GPR39: variants seen among roughly 807,000 people sequenced by gnomAD.
GPR39 encodes zinc sensing receptor.
A neutral mutation model predicts 18.4 loss-of-function variants in GPR39; 23 were observed. The ratio of observed to expected loss-of-function variants is 1.25; its 90% CI spans 0.90 to 1.77. GPR39 has a LOEUF of 1.77. GPR39 is among the 40% of genes most tolerant of loss of function. The probability of loss-of-function intolerance (pLI) is 0.00; values close to 1 mark genes in which losing one functional copy is unlikely to be tolerated. For missense variants in GPR39, 647 were observed against 602.4 expected, an observed-to-expected ratio of 1.07 and a Z score of -0.78; for synonymous variants, 280 against 257.9, an observed-to-expected ratio of 1.09 and a Z score of -0.82.
At chr2:132,593,813 T>C (rs10928433) in intron 1 of GPR39, among the ~76,000 whole-genome samples, 86,628 of 151,596 alleles carry the variant, frequency 0.57, 25,296 homozygotes, top group East Asian at 0.88. Context: ...TAGAGAGATA[T>C]TTGAGGCTGC....
intron 1 of GPR39, among the ~76,000 whole-genome samples, chr2:132,578,427 A>G (rs943087481): frequency 1.3e-5 from 2 of 152,144 alleles, no homozygotes; most frequent in Admixed American, 6.5e-5. Context: ...TCTGGAATAG[A>G]TTGTATAGAA....
At chr2:132,482,420 C>T (rs976134572) in intron 1 of GPR39, among the ~76,000 whole-genome samples, 3 of 152,094 alleles carry the variant, frequency 2.0e-5, no homozygotes, top group Non-Finnish European at 2.9e-5. Flanking sequence ...TTGTAGAAGT[C>T]ATGGAGTTTT....
intron 1 of GPR39, among the ~76,000 whole-genome samples, chr2:132,458,584 TG>T (rs1191877320): frequency 6.6e-6 from 1 of 152,090 alleles, no homozygotes; most frequent in African/African-American, 2.4e-5. Flanking sequence ...CTCTGCTGAA[TG>T]TTTTTTTGTT....
At chr2:132,636,800 G>A (rs1021596927) in intron 1 of GPR39, among the ~76,000 whole-genome samples, 16 of 152,222 alleles carry the variant, frequency 1.1e-4, no homozygotes, top group African/African-American at 3.9e-4. Context: ...CATGGCTAGA[G>A]CCCGTGTGGT....
intron 1 of GPR39, among the ~76,000 whole-genome samples, chr2:132,440,942 C>T (rs1029884117): frequency 6.6e-6 from 1 of 152,090 alleles, no homozygotes; most frequent in African/African-American, 2.4e-5. Context: ...AGCCTACTTG[C>T]CTTTGTCTGC....
At chr2:132,639,940 G>A (rs1169044660) in intron 1 of GPR39, among the ~76,000 whole-genome samples, 2 of 136,126 alleles carry the variant, frequency 1.5e-5, no homozygotes, top group South Asian at 2.3e-4. Context: ...AAAAAATAAT[G>A]GGCTTGCTTG....
intron 1 of GPR39, among the ~76,000 whole-genome samples, chr2:132,504,844 A>G (rs1282050719): frequency 2.0e-5 from 3 of 152,228 alleles, no homozygotes; most frequent in Non-Finnish European, 4.4e-5. Context: ...TTGGTATAAA[A>G]GAACAACAAT....
intron 1 of GPR39, among the ~76,000 whole-genome samples, chr2:132,631,108 G>A (rs183813512): frequency 1.1e-4 from 17 of 152,252 alleles, no homozygotes; most frequent in Non-Finnish European, 2.9e-5. Flanking sequence ...AAAAAGAAGG[G>A]AGGTAGAGAG....
chr2:132,437,124 T>C (rs916729628), intron 1 of GPR39, among the ~76,000 whole-genome samples: 2 of 152,188 alleles, frequency 1.3e-5, no homozygotes, highest in Non-Finnish European at 2.9e-5. Flanking sequence ...ACCACTGTGT[T>C]AGAGTTGCTT....
intron 1 of GPR39, among the ~76,000 whole-genome samples, chr2:132,435,723 A>G (rs1311477843): frequency 6.6e-6 from 1 of 151,320 alleles, no homozygotes; most frequent in East Asian, 1.9e-4. Flanking sequence ...CAGACTTGTA[A>G]CATTTTGAGC....
chr2:132,489,749 T>TA (rs950868957), intron 1 of GPR39, among the ~76,000 whole-genome samples: 4 of 151,970 alleles, frequency 2.6e-5, no homozygotes, highest in Non-Finnish European at 5.9e-5. Context: ...TGCAGTGCCC[T>TA]AAAAAATGCC....
intron 1 of GPR39, among the ~76,000 whole-genome samples, chr2:132,553,641 G>A (rs1056622991): frequency 1.3e-5 from 2 of 152,064 alleles, no homozygotes; most frequent in African/African-American, 4.8e-5. Flanking sequence ...GAGCTCACGG[G>A]GTGTGCAGGG....
chr2:132,534,399 A>G (rs1440566767), intron 1 of GPR39, among the ~76,000 whole-genome samples: 3 of 149,592 alleles, frequency 2.0e-5, no homozygotes, highest in African/African-American at 7.3e-5. Flanking sequence ...TGGGACTGTA[A>G]ACTAGTTCAG....
intron 1 of GPR39, among the ~76,000 whole-genome samples, chr2:132,424,409 C>CT (rs1680074602): frequency 6.6e-6 from 1 of 152,180 alleles, no homozygotes; most frequent in South Asian, 2.1e-4. Context: ...GTGAGCCACA[C>CT]TTATCACCCC....
At chr2:132,488,316 A>G (rs1386748673) in intron 1 of GPR39, among the ~76,000 whole-genome samples, 13 of 152,226 alleles carry the variant, frequency 8.5e-5, no homozygotes. Context: ...CGAGCTTTTC[A>G]AAAACAACAT....
chr2:132,416,887 AC>A lies in GPR39; in HGVS notation c.-154del. ...TGCTCCAGCAAGTTTCCATGAAAGCACCTGAAATACTAAGTTACCTTCGCGA... is the reference window on the plus strand; with the variant it reads ...TGCTCCAGCAAGTTTCCATGAAAGCACTGAAATACTAAGTTACCTTCGCGA... On this transcript the variant is annotated 5_prime_UTR_variant, in exon 1 of 2. It introduces an in-frame stop codon into an upstream open reading frame of the 5' UTR. Transcript: ENST00000329321. 4.1e-6 allele frequency: 4 copies of A among 987,340 alleles called. No homozygotes were observed. Among genetic ancestry groups the A allele is most frequent in the Non-Finnish European group, 5.9e-6 (4 of 680,514 alleles). The allele number at this position is 987,340 out of a possible 1,614,324, so 61.2% of individuals were successfully genotyped here. A position where few individuals can be genotyped will look rare whatever the true frequency, so the allele number is the denominator to read the frequency against.
intron 1 of GPR39, among the ~76,000 whole-genome samples, chr2:132,476,040 T>C (rs1212319651): frequency 6.6e-6 from 1 of 152,158 alleles, no homozygotes; most frequent in Non-Finnish European, 1.5e-5. Context: ...GGGATTCTTT[T>C]TTTTTTTCTC....
At chr2:132,491,942 A>G (rs115719461) in intron 1 of GPR39, among the ~76,000 whole-genome samples, 20 of 151,886 alleles carry the variant, frequency 1.3e-4, no homozygotes, top group African/African-American at 4.4e-4. Context: ...CACTCAGAAT[A>G]GTACCTAGCA....
chr2:132,588,240 G>C (rs1386023554), intron 1 of GPR39, among the ~76,000 whole-genome samples: 1 of 152,206 alleles, frequency 6.6e-6, no homozygotes, highest in African/African-American at 2.4e-5. Context: ...TACCCCTTTA[G>C]TGAGAGGGAG....
Sources: allele counts gnomAD v4.1 joint callset (sites outside exome capture counted in the v4.1 genomes callset), GRCh38; gene constraint gnomAD v4.1.1; transcripts MANE v1.5; gene names NCBI Gene and HGNC (gene_info 2026-07-23, HGNC 2026-07-21).